INSYN1: variants seen among roughly 807,000 people sequenced by gnomAD.
The protein encoded by INSYN1 is inhibitory synaptic factor 1.
A neutral mutation model predicts 17.1 loss-of-function variants in INSYN1; 7 were observed. That is an observed-to-expected ratio of 0.41 (90% CI 0.23 to 0.77). The LOEUF (loss-of-function observed/expected upper bound fraction) is 0.77. Ranked by LOEUF, INSYN1 falls within the 30% of genes least tolerant of loss-of-function variation. The pLI, the probability that INSYN1 is intolerant of heterozygous loss-of-function variation, is 0.32. For synonymous variants in INSYN1, 174 were observed against 166.3 expected (o/e 1.05, Z -0.36); for missense variants, 339 against 400.6 (o/e 0.85, Z 1.31).
chr15:73,751,958 T>G (rs978054076), intron 1 of INSYN1, among the ~76,000 whole-genome samples, 152 bp downstream of exon 1: 2 of 34,688 alleles, frequency 5.8e-5, no homozygotes, highest in South Asian at 1.3e-3. Flanking sequence ...CCCCCCCACC[T>G]TCCCCCCAGC....
rs936479448 is a variant in INSYN1, at chr15:73,743,035, C to G, written c.157-2393G>C. Among the ~76,000 whole-genome samples, 3 of 152,250 alleles carry G rather than the reference C, an allele frequency of 2.0e-5. 1 individual carries two copies. Among genetic ancestry groups the G allele is most frequent in the South Asian group, 4.1e-4 (2 of 4,836 alleles). On this transcript the variant is annotated intron_variant, in intron 2 of 2. Coordinates refer to ENST00000569673, the MANE Select transcript of INSYN1 (RefSeq NM_001039614.3). Reference sequence around the variant, plus strand: ...CATTGATGGCCTCAGGAGAGGCCCACCACCTCTGGGGCAGCTATGCCCTCA... The same window carrying G: ...CATTGATGGCCTCAGGAGAGGCCCAGCACCTCTGGGGCAGCTATGCCCTCA...
At position 73,750,948 on chromosome 15, in the gene INSYN1, T is replaced by C. The variant is rs201735676; in HGVS notation, c.156+27A>G. 2.7e-5 allele frequency: 44 copies of C among 1,613,634 alleles called. 1 individual carries two copies. In the African/African-American group the frequency reaches 4.7e-4, roughly 17 times the overall value. On this transcript the variant is annotated intron_variant, in intron 2 of 2. Transcript: ENST00000569673. The stretch of plus-strand genomic sequence containing the variant: ...CCCAAGAAGGTTGGCTTAGGGTCTG[T>C]CTGGTCCCTCCTCACCCCTCACTTA...
Position 73,740,407 on chromosome 15 carries a change from G to T in INSYN1, c.392C>A (p.Thr131Asn), listed in dbSNP as rs970631920. The change falls in exon 3 of 3, where the codon ACT becomes AAT. Residue 131 changes from threonine to asparagine, a missense_variant. Transcript: ENST00000569673. Reference sequence around the variant, plus strand: ...GTAGTCAGGGCCAGCCCCTGGCCGAGTCGACTCGGGACCATCCACGGAGTC... The same window carrying T: ...GTAGTCAGGGCCAGCCCCTGGCCGATTCGACTCGGGACCATCCACGGAGTC... ...PSDSVDGPES[T>N]RPGAGPDYRL... 11 of 1,611,092 alleles carry T rather than the reference G, an allele frequency of 6.8e-6. No individual in the cohort carries two copies. Among genetic ancestry groups the T allele is most frequent in the Non-Finnish European group, 9.3e-6 (11 of 1,178,650 alleles).
At chr15:73,749,512 G>A (rs1901922344) in intron 2 of INSYN1, among the ~76,000 whole-genome samples, 1 of 152,210 alleles carries the variant, frequency 6.6e-6, no homozygotes, top group Non-Finnish European at 1.5e-5. Context: ...ACCTGCCGGG[G>A]CATAGGTCTC....
Position 73,751,111 on chromosome 15 carries a change from G to A in INSYN1, c.20C>T (p.Pro7Leu), listed in dbSNP as rs779633004. 1.5e-5 allele frequency: 24 copies of A among 1,613,628 alleles called. No homozygotes were observed. The highest frequency in any genetic ancestry group is 4.5e-5 in the East Asian group (2 of 44,866). Residue 7 changes from proline to leucine, a missense_variant, in exon 2 of 3, where the codon CCG becomes CTG. Physicochemically the swap from Pro to Leu is moderately conservative, Grantham distance 98 (BLOSUM62 -3). Coordinates refer to ENST00000569673, the MANE Select transcript of INSYN1 (RefSeq NM_001039614.3). MNIRGA[P>L]DLGQPSDDPS... is the part of the protein sequence containing the mutation. ...GTCGTCACTGGGCTGCCCGAGGTCCGGGGCGCCCCGAATGTTCATCGTTTA... is the reference window on the plus strand; with the variant it reads ...GTCGTCACTGGGCTGCCCGAGGTCCAGGGCGCCCCGAATGTTCATCGTTTA...
rs1022698068 is a variant in INSYN1 at position 73,752,979 on chromosome 15, G to A, written c.-1437C>T. 2.0e-5 allele frequency among the ~76,000 whole-genome samples: 3 copies of A among 150,088 alleles called. No individual in the cohort carries two copies. The highest frequency in any genetic ancestry group is 4.5e-5 in the Non-Finnish European group (3 of 67,278). Reference sequence around the variant, plus strand: ...CGGCGAGGGGAAGGGAGGGGAGGGGGCGAGCGGCGGGCCGGGCCGGGCCGG... The same window carrying A: ...CGGCGAGGGGAAGGGAGGGGAGGGGACGAGCGGCGGGCCGGGCCGGGCCGG... On this transcript the variant is annotated 5_prime_UTR_variant, in exon 1 of 3. Coordinates refer to ENST00000569673, the MANE Select transcript of INSYN1 (RefSeq NM_001039614.3). The surrounding 1 kb of genome is among the most constrained non-coding windows in gnomAD (Gnocchi z 5.2).
In INSYN1 at chr15:73,750,888, C is replaced by T. The variant is rs189155847; in HGVS notation, c.156+87G>A. 6.3e-5 allele frequency: 92 copies of T among 1,456,418 alleles called. 1 individual carries two copies. The African/African-American group carries it at 1.1e-3, about 17-fold the overall frequency. 90.2% of individuals were successfully genotyped at this position (1,456,418 alleles called of 1,614,324 possible). A position where few individuals can be genotyped will look rare whatever the true frequency, so the allele number is the denominator to read the frequency against. ...ACACATGTGCACGCAGCTTTGCACA[C>T]TCCAACGTATTTATGAGTACGTTTT... On this transcript the variant is annotated intron_variant, in intron 2 of 2. Transcript: ENST00000569673.
At chr15:73,744,189 A>C (rs1437651095) in intron 2 of INSYN1, among the ~76,000 whole-genome samples, 1 of 152,224 alleles carries the variant, frequency 6.6e-6, no homozygotes, top group Admixed American at 6.5e-5. Flanking sequence ...GCCTAAGAGC[A>C]GTGGGAATTA....
At position 73,737,949 on chromosome 15, in the gene INSYN1, C is replaced by T. The variant is rs1012216863; in HGVS notation, c.*1968G>A. 1 of 152,264 alleles carries T rather than the reference C, an allele frequency of 6.6e-6. No individual in the cohort carries two copies. The highest frequency in any genetic ancestry group is 6.5e-5 in the Admixed American group (1 of 15,292). 9.4% of individuals were successfully genotyped at this position (152,264 alleles called of 1,614,324 possible). A position where few individuals can be genotyped will look rare whatever the true frequency, so the allele number is the denominator to read the frequency against. Reference sequence around the variant, plus strand: ...GAGGGGCTGTGAATCAAGCTGCAGTCAACTTCTGACCTCGAGCTACTGCGA... The same window carrying T: ...GAGGGGCTGTGAATCAAGCTGCAGTTAACTTCTGACCTCGAGCTACTGCGA... On this transcript the variant is annotated 3_prime_UTR_variant, in exon 3 of 3. Transcript: ENST00000569673.
chr15:73,749,386 G>A lies in INSYN1; in HGVS notation c.156+1589C>T, dbSNP rs542171187. ...ATGAGATCCTTTGAAGCTCTGGGTG[G>A]CTATGCGGTGGGGAGAGGGAACACA... On this transcript the variant is annotated intron_variant, in intron 2 of 2. Coordinates refer to ENST00000569673, the MANE Select transcript of INSYN1 (RefSeq NM_001039614.3). 2.6e-5 allele frequency among the ~76,000 whole-genome samples: 4 copies of A among 152,282 alleles called. No individual in the cohort carries two copies. In the South Asian group the frequency reaches 6.2e-4, roughly 24 times the overall value.
intron 2 of INSYN1, among the ~76,000 whole-genome samples, chr15:73,743,721 T>C (rs1901745355): frequency 6.8e-6 from 1 of 146,878 alleles, no homozygotes; most frequent in Non-Finnish European, 1.5e-5. Context: ...TCCCAGCTAC[T>C]CGGGAGGCTG....
At chr15:73,749,319 G>A (rs1395127252) in intron 2 of INSYN1, among the ~76,000 whole-genome samples, 1 of 152,164 alleles carries the variant, frequency 6.6e-6, no homozygotes, top group Non-Finnish European at 1.5e-5. Context: ...CTGGGCCTCA[G>A]TTTCTTCAAT....
intron 2 of INSYN1, among the ~76,000 whole-genome samples, chr15:73,749,798 C>T (rs1273351645): frequency 6.6e-6 from 1 of 152,202 alleles, no homozygotes; most frequent in African/African-American, 2.4e-5. Flanking sequence ...CTGGTAGGCT[C>T]CACGAGGCTG....
At position 73,740,404 on chromosome 15, in the gene INSYN1, C is replaced by T. The variant is rs755055161; in HGVS notation, c.395G>A (p.Arg132Gln). Residue 132 changes from arginine to glutamine, a missense_variant, in exon 3 of 3, where the codon CGG becomes CAG. Coordinates refer to ENST00000569673, the MANE Select transcript of INSYN1 (RefSeq NM_001039614.3). Reference sequence around the variant, plus strand: ...GCGGTAGTCAGGGCCAGCCCCTGGCCGAGTCGACTCGGGACCATCCACGGA... The same window carrying T: ...GCGGTAGTCAGGGCCAGCCCCTGGCTGAGTCGACTCGGGACCATCCACGGA... Reference protein sequence around the residue: ...SDSVDGPESTRPGAGPDYRLM... With the variant: ...SDSVDGPESTQPGAGPDYRLM... 9 of 1,610,152 alleles carry T rather than the reference C, an allele frequency of 5.6e-6. No individual in the cohort carries two copies. The highest frequency in any genetic ancestry group is 1.7e-5 in the Admixed American group (1 of 59,700).
chr15:73,740,218 TA>T lies in INSYN1; in HGVS notation c.580del (p.Tyr194ThrfsTer52). 6.2e-7 allele frequency: 1 copy of T among 1,614,044 alleles called. No individual in the cohort carries two copies. Among genetic ancestry groups the T allele is most frequent in the Non-Finnish European group, 8.5e-7 (1 of 1,180,014 alleles). On this transcript the variant is annotated frameshift_variant, in exon 3 of 3. Transcript: ENST00000569673. LOFTEE classifies it high-confidence loss of function. ...CTCATCGTCACAGCACAGAGCATGGTAGAGCACTTTGTCACTGAACCGCACC... is the reference window on the plus strand; with the variant it reads ...CTCATCGTCACAGCACAGAGCATGGTGAGCACTTTGTCACTGAACCGCACC... ...ERVRFSDKVL[Y>X]HALCCDDEEG...
chr15:73,750,031 A>G (rs553183513), intron 2 of INSYN1, among the ~76,000 whole-genome samples: 1 of 152,258 alleles, frequency 6.6e-6, no homozygotes, highest in South Asian at 2.1e-4. Flanking sequence ...CATAACTCCA[A>G]TTCAATCACT....
rs1334784720 is a variant in INSYN1 at position 73,735,503 on chromosome 15, G to A, written c.*4414C>T. 6.6e-6 allele frequency: 1 copy of A among 152,202 alleles called. No individual in the cohort carries two copies. The highest frequency in any genetic ancestry group is 2.4e-5 in the African/African-American group (1 of 41,432). The allele number at this position is 152,202 out of a possible 1,614,324, so 9.4% of individuals were successfully genotyped here. On this transcript the variant is annotated 3_prime_UTR_variant, in exon 3 of 3. Coordinates refer to ENST00000569673, the MANE Select transcript of INSYN1 (RefSeq NM_001039614.3). ...TGAACCCATAATCCATTTGGTGCCA[G>A]TCTCCGAGTCAGGGGTGGTGACATT...
In INSYN1 at chr15:73,750,893, A is replaced by G. The variant is rs1457934665; in HGVS notation, c.156+82T>C. The G allele has an allele frequency of 6.7e-6, 10 of 1,483,788 alleles. No individual in the cohort carries two copies. In the East Asian group the frequency reaches 6.8e-5, roughly 10 times the overall value. The allele number at this position is 1,483,788 out of a possible 1,614,324, so 91.9% of individuals were successfully genotyped here. A position where few individuals can be genotyped will look rare whatever the true frequency, so the allele number is the denominator to read the frequency against. ...TGTGCACGCAGCTTTGCACACTCCA[A>G]CGTATTTATGAGTACGTTTTTGTGC... On this transcript the variant is annotated intron_variant, in intron 2 of 2. Coordinates refer to ENST00000569673, the MANE Select transcript of INSYN1 (RefSeq NM_001039614.3).
chr15:73,740,168 C>T lies in INSYN1; in HGVS notation c.631G>A (p.Glu211Lys). The T allele has an allele frequency of 6.2e-7, 1 of 1,614,040 alleles. No homozygotes were observed. The highest frequency in any genetic ancestry group is 8.5e-7 in the Non-Finnish European group (1 of 1,179,976). The change falls in exon 3 of 3, where the codon GAG (glutamate) becomes AAG (lysine). Residue 211 changes from glutamate (E) to lysine (K), a missense_variant. Transcript: ENST00000569673. The stretch of plus-strand genomic sequence containing the variant: ...GGGGGCAAGCCCACTTCTTCCTCCT[C>T]CACCTCCTGCTCACCGTCCCCCTCC... ...DEEGDGEQEV[E>K]EEEVGLPPEP...
Sources: allele counts gnomAD v4.1 joint callset (sites outside exome capture counted in the v4.1 genomes callset), GRCh38; gene constraint gnomAD v4.1.1; non-coding constraint Gnocchi (gnomAD v3.1); transcripts MANE v1.5; gene names NCBI Gene and HGNC (gene_info 2026-07-23, HGNC 2026-07-21).